The following PARD3 variants were observed in gnomAD, a reference collection of about 807,000 sequenced individuals.
PARD3 encodes the protein partitioning defective 3 homolog.
In PARD3, 75 loss-of-function variants were observed where a neutral mutation model predicts 155.4. The ratio of observed to expected loss-of-function variants is 0.48; its 90% CI spans 0.40 to 0.58. PARD3 has a LOEUF of 0.58. Ranked by LOEUF, PARD3 falls within the 20% of genes least tolerant of loss-of-function variation. The pLI, the probability that PARD3 is intolerant of heterozygous loss-of-function variation, is 0.00. For missense variants in PARD3, 1,642 were observed against 1,721.7 expected, an observed-to-expected ratio of 0.95 and a Z score of 0.82; for synonymous variants, 576 against 610.5, an observed-to-expected ratio of 0.94 and a Z score of 0.83.
intron 1 of PARD3, among the ~76,000 whole-genome samples, chr10:34,703,729 G>A (rs1482620099): frequency 2.6e-5 from 4 of 152,076 alleles, no homozygotes; most frequent in African/African-American, 9.7e-5. Flanking sequence ...GTGGGGGGAA[G>A]GGAAGGAGAA....
chr10:34,698,096 A>G (rs1344704738), intron 1 of PARD3, among the ~76,000 whole-genome samples: 1 of 152,052 alleles, frequency 6.6e-6, no homozygotes, highest in Non-Finnish European at 1.5e-5. Flanking sequence ...AGGGTGACCC[A>G]ATCAACTTAA....
intron 3 of PARD3, among the ~76,000 whole-genome samples, chr10:34,476,387 C>T (rs540042096): frequency 2.6e-5 from 4 of 152,218 alleles, no homozygotes; most frequent in Admixed American, 6.5e-5. Context: ...CCCCTCAGGT[C>T]CTGGGCACCA....
chr10:34,667,448 A>G (rs1178768614), intron 2 of PARD3, among the ~76,000 whole-genome samples: 3 of 152,370 alleles, frequency 2.0e-5, no homozygotes, highest in East Asian at 1.9e-4. Flanking sequence ...CTTTCTCTGC[A>G]GTGGCATTTA....
intron 1 of PARD3, among the ~76,000 whole-genome samples, chr10:34,783,646 G>A (rs1187394309): frequency 1.4e-5 from 2 of 145,168 alleles, no homozygotes; most frequent in Non-Finnish European, 3.0e-5. Flanking sequence ...AAGTCCTCTT[G>A]CACATTTATA....
At chr10:34,582,620 C>T (rs369018118) in intron 2 of PARD3, among the ~76,000 whole-genome samples, 3 of 152,156 alleles carry the variant, frequency 2.0e-5, no homozygotes, top group African/African-American at 4.8e-5. Flanking sequence ...GTACAGCCCC[C>T]AAAGCCATGA....
intron 5 of PARD3, among the ~76,000 whole-genome samples, chr10:34,413,984 T>A (rs1219789193): frequency 6.6e-6 from 1 of 152,032 alleles, no homozygotes; most frequent in Admixed American, 6.6e-5. Context: ...GTAAAAGAAA[T>A]CCCATCTAGC....
intron 20 of PARD3, among the ~76,000 whole-genome samples, chr10:34,306,235 C>T (rs965865186): frequency 3.4e-5 from 5 of 148,516 alleles, no homozygotes; most frequent in East Asian, 2.0e-4. Context: ...GGGCTGAGAT[C>T]GCGCCAGTGC....
intron 19 of PARD3, among the ~76,000 whole-genome samples, chr10:34,322,053 T>G (rs1453048701): frequency 1.3e-5 from 2 of 152,126 alleles, no homozygotes; most frequent in African/African-American, 4.8e-5. Context: ...TTCTTCCTAA[T>G]AGAACTCTGT....
At chr10:34,156,047 A>G (rs1270414151) in intron 22 of PARD3, among the ~76,000 whole-genome samples, 1 of 151,522 alleles carries the variant, frequency 6.6e-6, no homozygotes, top group African/African-American at 2.4e-5. Context: ...AAGCCTATGC[A>G]TGCCATGTGA....
chr10:34,180,380 C>G (rs946485087), intron 22 of PARD3, among the ~76,000 whole-genome samples: 2 of 152,102 alleles, frequency 1.3e-5, no homozygotes, highest in Non-Finnish European at 2.9e-5. Flanking sequence ...TGCAAACAAT[C>G]CAAATTACAC....
At chr10:34,665,430 G>C (rs2093426773) in intron 2 of PARD3, among the ~76,000 whole-genome samples, 1 of 152,110 alleles carries the variant, frequency 6.6e-6, no homozygotes, top group African/African-American at 2.4e-5. Flanking sequence ...TGAGGTAGGA[G>C]AATCACTTGA....
intron 20 of PARD3, among the ~76,000 whole-genome samples, chr10:34,289,248 G>A (rs2133959461): frequency 6.6e-6 from 1 of 152,116 alleles, no homozygotes; most frequent in Non-Finnish European, 1.5e-5. Context: ...AGAGTGCAGT[G>A]GCGCAATCTC....
Position 34,341,801 on chromosome 10 carries a change from G to A in PARD3, c.2234C>T (p.Ser745Phe), listed in dbSNP as rs772054382. The A allele has an allele frequency of 8.1e-6, 13 of 1,609,102 alleles. No individual in the cohort carries two copies. Among genetic ancestry groups the A allele is most frequent in the Non-Finnish European group, 1.1e-5 (13 of 1,176,654 alleles). ...LSRIMGKYQL[S>F]PTVNMPQDDT... ...ATCTTGGGGCATATTCACTGTAGGGGACAGCTGGTATTTACCTGTCCAGTG... is the reference window on the plus strand; with the variant it reads ...ATCTTGGGGCATATTCACTGTAGGGAACAGCTGGTATTTACCTGTCCAGTG... The change falls in exon 16 of 25, where the codon TCC becomes TTC. Residue 745 changes from serine (S) to phenylalanine (F), a missense_variant. Physicochemically the swap from Ser to Phe is radical, Grantham distance 155. Around this residue, in one of 3 missense-constraint regions of PARD3, gnomAD observed 1,529 missense variants for 1,587.3 expected, o/e 0.96. Transcript: ENST00000374788.
chr10:34,739,895 C>T (rs987895049), intron 1 of PARD3, among the ~76,000 whole-genome samples: 2 of 152,178 alleles, frequency 1.3e-5, no homozygotes, highest in African/African-American at 4.8e-5. Flanking sequence ...TATTCCCTAT[C>T]TCTGTCAAAG....
At chr10:34,558,683 C>T (rs1215490575) in intron 2 of PARD3, among the ~76,000 whole-genome samples, 2 of 152,184 alleles carry the variant, frequency 1.3e-5, no homozygotes, top group Non-Finnish European at 2.9e-5. Flanking sequence ...CTAATCCCAG[C>T]ACTTTGGGAG....
At chr10:34,430,014 G>C (rs1168611606) in intron 5 of PARD3, among the ~76,000 whole-genome samples, 1 of 152,162 alleles carries the variant, frequency 6.6e-6, no homozygotes, top group Non-Finnish European at 1.5e-5. Flanking sequence ...ATAGGAATGA[G>C]TCACTGCACC....
intron 1 of PARD3, among the ~76,000 whole-genome samples, chr10:34,715,537 C>A (rs111318743): frequency 6.6e-6 from 1 of 152,154 alleles, no homozygotes; most frequent in Non-Finnish European, 1.5e-5. Context: ...CCTTCCCTTG[C>A]GGAAATCTTA....
In PARD3 at chr10:34,390,284, C is replaced by G. The variant is rs143212127; in HGVS notation, c.891-6030G>C. Among the ~76,000 whole-genome samples the G allele has an allele frequency of 2.2e-3, 341 of 152,038 alleles. 11 individuals carry two copies. In the East Asian group the frequency reaches 0.061, roughly 27 times the overall value. ...TTACGACATAATAGTAAATTTTCTC[C>G]CAGATTCATGATATAAGAGGAAAAT... On this transcript the variant is annotated intron_variant, in intron 7 of 24. Coordinates refer to ENST00000374788, the MANE Select transcript of PARD3 (RefSeq NM_001184785.2).
intron 14 of PARD3, among the ~76,000 whole-genome samples, chr10:34,357,986 A>G (rs952111974): frequency 6.6e-6 from 1 of 152,230 alleles, no homozygotes; most frequent in African/African-American, 2.4e-5. Context: ...ACAGAAGTTT[A>G]AAAATTAAGA....
Sources: allele counts gnomAD v4.1 joint callset (sites outside exome capture counted in the v4.1 genomes callset), GRCh38; gene constraint gnomAD v4.1.1; regional missense constraint gnomAD v4.1.1; transcripts MANE v1.5; gene names NCBI Gene and HGNC (gene_info 2026-07-23, HGNC 2026-07-21).